Variants in ANKFN1 observed in about 807,000 individuals in gnomAD.
The protein encoded by ANKFN1 is ankyrin repeat and fibronectin type III domain containing 1.
A neutral mutation model predicts 108.7 loss-of-function variants in ANKFN1; 74 were observed. The observed-to-expected ratio is 0.68, with a 90% CI of 0.56 to 0.83. The LOEUF (loss-of-function observed/expected upper bound fraction) is 0.83. Ranked by LOEUF, ANKFN1 falls within the 40% of genes least tolerant of loss-of-function variation. The pLI is 0.00. For synonymous variants in ANKFN1, 547 were observed against 516.2 expected, an observed-to-expected ratio of 1.06 and a Z score of -0.81; for missense variants, 1,505 against 1,382.3, an observed-to-expected ratio of 1.09 and a Z score of -1.41.
intron 20 of ANKFN1, among the ~76,000 whole-genome samples, chr17:56,504,816 G>C (rs2145471251): frequency 6.9e-6 from 1 of 144,852 alleles, no homozygotes; most frequent in South Asian, 2.2e-4. Flanking sequence ...CACCACACCT[G>C]GCTAATTTTT....
At position 56,225,395 on chromosome 17, in the gene ANKFN1, A is replaced by C. The variant is rs1057002368; in HGVS notation, c.13-2522A>C. 6.6e-5 allele frequency among the ~76,000 whole-genome samples: 10 copies of C among 152,182 alleles called. 1 individual carries two copies. The highest frequency in any genetic ancestry group is 6.5e-4 in the Admixed American group (10 of 15,280). On this transcript the variant is annotated intron_variant, in intron 2 of 20. Coordinates refer to ENST00000682825, the MANE Select transcript of ANKFN1 (RefSeq NM_001370326.1). ...CAGATGCTATTTCAATGCTTCCCCA[A>C]ATTAGACTTCCTGGACCTTTCTATC...
chr17:56,468,464 G>C (rs2050207516), intron 15 of ANKFN1, among the ~76,000 whole-genome samples: 1 of 151,508 alleles, frequency 6.6e-6, no homozygotes, highest in African/African-American at 2.4e-5. Context: ...GAATTGTATA[G>C]GACACTTAGG....
At chr17:56,484,682 A>G (rs2050804774) in intron 18 of ANKFN1, among the ~76,000 whole-genome samples, 2 of 152,244 alleles carry the variant, frequency 1.3e-5, no homozygotes, top group Non-Finnish European at 2.9e-5. Flanking sequence ...TCCAGTGTCT[A>G]TTAATAACAG....
At chr17:56,432,772 C>A (rs2048801381) in intron 8 of ANKFN1, among the ~76,000 whole-genome samples, 2 of 152,228 alleles carry the variant, frequency 1.3e-5, no homozygotes, top group Admixed American at 1.3e-4. Flanking sequence ...CCTCACTGTG[C>A]CACTCCTGTG....
At chr17:56,345,451 C>A (rs1480186894) in intron 4 of ANKFN1, among the ~76,000 whole-genome samples, 1 of 152,024 alleles carries the variant, frequency 6.6e-6, no homozygotes, top group African/African-American at 2.4e-5. Flanking sequence ...GGTTCTAGAT[C>A]CTTGAGGAAT....
chr17:56,328,786 A>AGG (rs950797172), intron 4 of ANKFN1, among the ~76,000 whole-genome samples: 7 of 131,260 alleles, frequency 5.3e-5, no homozygotes, highest in African/African-American at 1.9e-4. Flanking sequence ...TAAAAAAAAA[A>AGG]GGGGGGGCAG....
intron 1 of ANKFN1, among the ~76,000 whole-genome samples, chr17:56,201,048 C>A (rs1270086002): frequency 6.6e-6 from 1 of 152,224 alleles, no homozygotes; most frequent in Admixed American, 6.5e-5. Flanking sequence ...ACAGTCCAAT[C>A]TCTTTGCCTC....
chr17:56,123,203 T>C (rs1420089757), intron 4 of ANKFN1, among the ~76,000 whole-genome samples: 1 of 152,224 alleles, frequency 6.6e-6, no homozygotes, highest in African/African-American at 2.4e-5. Context: ...TAGTGCTAAA[T>C]CTACCAGCTG....
At chr17:56,214,752 C>T (rs923842783) in intron 2 of ANKFN1, among the ~76,000 whole-genome samples, 1 of 152,178 alleles carries the variant, frequency 6.6e-6, no homozygotes, top group Non-Finnish European at 1.5e-5. Flanking sequence ...TTCTCTCAGA[C>T]CTCTGGAATA....
intron 3 of ANKFN1, among the ~76,000 whole-genome samples, chr17:56,304,313 T>A (rs2044755825): frequency 6.6e-6 from 1 of 152,206 alleles, no homozygotes; most frequent in South Asian, 2.1e-4. Context: ...GGTGGTTATG[T>A]GTATCGAAAT....
intron 4 of ANKFN1, among the ~76,000 whole-genome samples, chr17:56,331,010 C>T (rs2045647300): frequency 6.6e-6 from 1 of 152,126 alleles, no homozygotes; most frequent in Admixed American, 6.5e-5. Context: ...CCCTTTAGCA[C>T]TCAAAGACAC....
chr17:56,071,464 C>T (rs1305155886), intron 4 of ANKFN1, among the ~76,000 whole-genome samples: 1 of 152,210 alleles, frequency 6.6e-6, no homozygotes, highest in Non-Finnish European at 1.5e-5. Flanking sequence ...CTCAATAATA[C>T]TCTGCCTAGA....
chr17:56,192,033 C>T (rs1017732106), intron 1 of ANKFN1, among the ~76,000 whole-genome samples: 2 of 152,088 alleles, frequency 1.3e-5, no homozygotes, highest in South Asian at 2.1e-4. Flanking sequence ...GCATTCTTCA[C>T]GTAGTTCTCG....
intron 4 of ANKFN1, among the ~76,000 whole-genome samples, chr17:56,126,427 G>T (rs563284020): frequency 2.6e-5 from 4 of 152,202 alleles, no homozygotes; most frequent in Non-Finnish European, 4.4e-5. Context: ...AAAAATAGAG[G>T]GGGGAGGGGA....
chr17:56,484,576 GT>G (rs2050802197), intron 18 of ANKFN1, among the ~76,000 whole-genome samples: 2 of 152,144 alleles, frequency 1.3e-5, no homozygotes, highest in Non-Finnish European at 2.9e-5. Flanking sequence ...CTTTGAATAT[GT>G]TGAGACTGAA....
At chr17:56,299,510 T>C (rs1435134334) in intron 3 of ANKFN1, among the ~76,000 whole-genome samples, 5 of 152,222 alleles carry the variant, frequency 3.3e-5, no homozygotes, top group Admixed American at 3.3e-4. Flanking sequence ...TGCCTCTTTA[T>C]TATATTTACA....
rs576001003 is a variant in ANKFN1 at position 56,053,201 on chromosome 17, G to A, written c.288+6876G>A. Among the ~76,000 whole-genome samples the A allele has an allele frequency of 3.3e-5, 5 of 152,082 alleles. No individual in the cohort carries two copies. In the East Asian group the frequency reaches 9.7e-4, roughly 29 times the overall value. On this transcript the variant is annotated intron_variant, in intron 4 of 12. Coordinates refer to the ANKFN1 transcript ENST00000635860. ...CATAGGAAGTGTATGTATCTGTGGG[G>A]AACATGAGATATTTTGATATAGGCA... is the stretch of plus-strand genomic sequence containing the variant.
chr17:56,484,225 A>G lies in ANKFN1; in HGVS notation c.2260+1701A>G, dbSNP rs36022381. ...GAAAAGGTGGGATGTAAATCTGTAC[A>G]GACAAGGTGGGGCCATATTGGGCAA... On this transcript the variant is annotated intron_variant, in intron 18 of 20. Coordinates refer to ENST00000682825, the MANE Select transcript of ANKFN1 (RefSeq NM_001370326.1). Among the ~76,000 whole-genome samples, 581 of 152,350 alleles carry G rather than the reference A, an allele frequency of 3.8e-3. 2 individuals carry two copies. The highest frequency in any genetic ancestry group is 6.8e-3 in the Non-Finnish European group (461 of 68,030).
chr17:56,271,787 G>A (rs566192375), intron 3 of ANKFN1, among the ~76,000 whole-genome samples: 9 of 152,280 alleles, frequency 5.9e-5, no homozygotes, highest in South Asian at 2.1e-4. Context: ...GATTGCATCC[G>A]GGGCTGGGTA....
Sources: gnomAD v4.1 joint callset for allele counts (sites outside exome capture counted in the v4.1 genomes callset) on GRCh38, gnomAD v4.1.1 for gene constraint, MANE v1.5 for transcripts, NCBI Gene and HGNC (gene_info 2026-07-23, HGNC 2026-07-21) for gene names.